The following MAP1A variants were observed in gnomAD, a reference collection of about 807,000 sequenced individuals.
The protein encoded by MAP1A is microtubule-associated protein 1A.
Under a neutral mutation model 185.9 loss-of-function variants are expected in MAP1A, and 42 were observed. The observed-to-expected ratio is 0.23, with a 90% CI of 0.18 to 0.29. The LOEUF (loss-of-function observed/expected upper bound fraction) is 0.29, where lower values mean the gene tolerates loss of function less well. Ranked by LOEUF, MAP1A falls within the 10% of genes least tolerant of loss-of-function variation. The pLI, the probability that MAP1A is intolerant of heterozygous loss-of-function variation, is 1.00. For synonymous variants in MAP1A, 1,229 were observed against 1,335.9 expected, an observed-to-expected ratio of 0.92 and a Z score of 1.74; for missense variants, 2,995 against 3,450.4, an observed-to-expected ratio of 0.87 and a Z score of 3.31.
chr15:43,522,956 G>A lies in MAP1A; in HGVS notation c.1483G>A (p.Glu495Lys). The A allele has an allele frequency of 6.2e-7, 1 of 1,614,172 alleles. No individual in the cohort carries two copies. Among genetic ancestry groups the A allele is most frequent in the Non-Finnish European group, 8.5e-7 (1 of 1,180,022 alleles). The change falls in exon 4 of 6, where the codon GAG becomes AAG. Residue 495 changes from glutamate (E) to lysine (K), a missense_variant. By Grantham distance (56) the Glu-to-Lys change is moderately conservative (BLOSUM62 1). Coordinates refer to ENST00000300231, the MANE Select transcript of MAP1A (RefSeq NM_002373.6). The surrounding 1 kb of genome is among the most constrained non-coding windows in gnomAD (Gnocchi z 5.9). ...AGACAGGAGCCGTGCTATCCGTGGG[G>A]AGAAGGAGCTGTCTTCTGAGCCCCA... ...KIDRSRAIRG[E>K]KELSSEPQTP...
rs764483080 is a variant in MAP1A, at chr15:43,518,009, G to A, written c.-375+309G>A. 8.5e-5 allele frequency among the ~76,000 whole-genome samples: 13 copies of A among 152,262 alleles called. No homozygotes were observed. In the South Asian group the frequency reaches 2.3e-3, roughly 27 times the overall value. On this transcript the variant is annotated intron_variant, in intron 1 of 5. Coordinates refer to ENST00000300231, the MANE Select transcript of MAP1A (RefSeq NM_002373.6). ...CTCTGCCTGACAGCCCAGGATGCTG[G>A]AGGAGTTTGGGGGCTATGTTTCTGG...
At position 43,526,059 on chromosome 15, in the gene MAP1A, C is replaced by G; in HGVS notation, c.4586C>G (p.Ala1529Gly). The G allele has an allele frequency of 6.2e-7, 1 of 1,614,028 alleles. No homozygotes were observed. Among genetic ancestry groups the G allele is most frequent in the Non-Finnish European group, 8.5e-7 (1 of 1,180,002 alleles). ...KDRDLEQTDK[A>G]PEQKHQAQEQ... is the part of the protein sequence containing the mutation. ...AGAGACCTAGAACAGACAGACAAAG[C>G]CCCTGAACAGAAACACCAGGCCCAG... The change falls in exon 4 of 6, where the codon GCC (alanine) becomes GGC (glycine). Residue 1529 changes from alanine (A) to glycine (G), a missense_variant. Physicochemically the swap from Ala to Gly is moderately conservative, Grantham distance 60. Around this residue, in one of 3 missense-constraint regions of MAP1A, gnomAD observed 2,728 missense variants for 2,986.0 expected, o/e 0.91. Transcript: ENST00000300231. This position sits in a 1 kb window ranked among gnomAD's most constrained non-coding sequence, Gnocchi z 4.7.
upstream of MAP1A, among the ~76,000 whole-genome samples, chr15:43,514,288 T>A (rs576260590): frequency 1.8e-4 from 27 of 152,288 alleles, no homozygotes; most frequent in Admixed American, 3.9e-4. Flanking sequence ...AGTAGAGAAT[T>A]TCCTGGAAAA....
At chr15:43,512,155 C>T in intron 1 of MAP1A, 1 of 1,309,604 alleles carries the variant, frequency 7.6e-7, no homozygotes, top group Non-Finnish European at 1.1e-6. Context: ...CAACCTGCAA[C>T]CTTATCCAGA....
chr15:43,526,770 G>T lies in MAP1A; in HGVS notation c.5297G>T (p.Gly1766Val), dbSNP rs747231894. ...KDFQESSPQK[G>V]LEVERWLAES... The stretch of plus-strand genomic sequence containing the variant: ...TTCCAGGAATCCTCACCACAGAAGG[G>T]GCTAGAGGTGGAGCGCTGGCTTGCT... Residue 1766 changes from glycine (G) to valine (V), a missense_variant, in exon 4 of 6, where the codon GGG becomes GTG. Coordinates refer to ENST00000300231, the MANE Select transcript of MAP1A (RefSeq NM_002373.6). The surrounding 1 kb of genome is among the most constrained non-coding windows in gnomAD (Gnocchi z 4.7). 1 of 1,614,122 alleles carries T rather than the reference G, an allele frequency of 6.2e-7. No individual in the cohort carries two copies. The highest frequency in any genetic ancestry group is 1.7e-5 in the Admixed American group (1 of 60,024).
At chr15:43,511,515 GT>G (rs2079278195) in intron 1 of MAP1A, among the ~76,000 whole-genome samples, 1 of 152,202 alleles carries the variant, frequency 6.6e-6, no homozygotes, top group Non-Finnish European at 1.5e-5. Flanking sequence ...CCACCGCAGT[GT>G]TTTGGACCAG....
upstream of MAP1A, chr15:43,517,499 CAAAG>C (rs2079301823): frequency 6.2e-6 from 1 of 160,764 alleles, no homozygotes; most frequent in Non-Finnish European, 1.3e-5. Flanking sequence ...GTCGTGAAGG[CAAAG>C]AAACAGTTAA....
intron 2 of MAP1A, 116 bp downstream of exon 2, chr15:43,520,839 A>G: frequency 7.6e-7 from 1 of 1,309,584 alleles, no homozygotes; most frequent in Admixed American, 2.0e-5. Flanking sequence ...AAGCTGACGT[A>G]TTGTCTCCAG....
chr15:43,522,310 C>T lies in MAP1A; in HGVS notation c.837C>T (p.Gly279=). Residue 279 remains glycine (G), a synonymous_variant, in exon 4 of 6, where the codon GGC becomes GGT. Coordinates refer to ENST00000300231, the MANE Select transcript of MAP1A (RefSeq NM_002373.6). This position sits in a 1 kb window ranked among gnomAD's most constrained non-coding sequence, Gnocchi z 5.9. ...CTCCCCAAAACAAGATCTTGGAGGG[C>T]CTAGAAAAGCTTCGGCATCTGGACT... ...GNAPQNKILE[G]LEKLRHLDFL... 6.2e-7 allele frequency: 1 copy of T among 1,614,114 alleles called. No individual in the cohort carries two copies. Among genetic ancestry groups the T allele is most frequent in the East Asian group, 2.2e-5 (1 of 44,886 alleles).
rs754398083 is a variant in MAP1A, at chr15:43,523,392, C to T, written c.1919C>T (p.Ala640Val). The change falls in exon 4 of 6, where the codon GCC becomes GTC. Residue 640 changes from alanine (A) to valine (V), a missense_variant. Ala to Val is a moderately conservative substitution (Grantham distance 64). Around this residue, in one of 3 missense-constraint regions of MAP1A, gnomAD observed 2,728 missense variants for 2,986.0 expected, o/e 0.91. Transcript: ENST00000300231. ...EAERLPDRTE[A>V]REESEPEVKE... ...GAGAGGCTCCCAGACAGAACAGAAGCCAGAGAGGAAAGTGAACCTGAAGTA... is the reference window on the plus strand; with the variant it reads ...GAGAGGCTCCCAGACAGAACAGAAGTCAGAGAGGAAAGTGAACCTGAAGTA... The T allele has an allele frequency of 1.2e-6, 2 of 1,611,984 alleles. No individual in the cohort carries two copies. The highest frequency in any genetic ancestry group is 2.7e-5 in the African/African-American group (2 of 74,746).
chr15:43,524,322 T>G lies in MAP1A; in HGVS notation c.2849T>G (p.Met950Arg), dbSNP rs774128420. Residue 950 changes from methionine to arginine, a missense_variant, in exon 4 of 6, where the codon ATG becomes AGG. Coordinates refer to ENST00000300231, the MANE Select transcript of MAP1A (RefSeq NM_002373.6). ...GAGGAGGAGACAGCAAACGTAGAGA[T>G]GTCTGAGAAACTTTGCAGTCAATAT... is the stretch of plus-strand genomic sequence containing the variant. ...EEEEETANVE[M>R]SEKLCSQYGT... 8.1e-6 allele frequency: 13 copies of G among 1,614,160 alleles called. No individual in the cohort carries two copies. The highest frequency in any genetic ancestry group is 1.0e-5 in the Non-Finnish European group (12 of 1,180,020).
chr15:43,523,177 C>T lies in MAP1A; in HGVS notation c.1704C>T (p.Pro568=). The T allele has an allele frequency of 6.2e-7, 1 of 1,614,086 alleles. No individual in the cohort carries two copies. Among genetic ancestry groups the T allele is most frequent in the Admixed American group, 1.7e-5 (1 of 60,006 alleles). ...CTCTAGACACTGCAGAGGAGGGACC[C>T]CCAAGTACAGCTATCCAGGGAACAC... The part of the protein sequence containing the change: ...PFPLDTAEEG[P]PSTAIQGTPP... Residue 568 remains proline, a synonymous_variant, in exon 4 of 6, where the codon CCC becomes CCT. Coordinates refer to ENST00000300231, the MANE Select transcript of MAP1A (RefSeq NM_002373.6).
In MAP1A at chr15:43,527,542, C is replaced by T. The variant is rs1045499927; in HGVS notation, c.6069C>T (p.Pro2023=). 3.7e-6 allele frequency: 6 copies of T among 1,614,000 alleles called. No homozygotes were observed. In the African/African-American group the frequency reaches 8.0e-5, roughly 22 times the overall value. ...AEKELSSPIS[P]KSLQSDTPTF... ...AGGAGCTTTCATCTCCTATCTCACCCAAGAGCCTCCAGTCTGACACTCCAA... is the reference window on the plus strand; with the variant it reads ...AGGAGCTTTCATCTCCTATCTCACCTAAGAGCCTCCAGTCTGACACTCCAA... The change falls in exon 4 of 6, where the codon CCC becomes CCT. Residue 2023 remains proline, a synonymous_variant. Transcript: ENST00000300231.
At chr15:43,515,480 A>G (rs548595611), upstream of MAP1A, among the ~76,000 whole-genome samples, 3 of 152,316 alleles carry the variant, frequency 2.0e-5, no homozygotes, top group African/African-American at 7.2e-5. Flanking sequence ...AGAGTACTCC[A>G]GAGTTGATCT....
rs775209108 is a variant in MAP1A at position 43,527,816 on chromosome 15, C to T, written c.6343C>T (p.Arg2115Trp). 1.4e-5 allele frequency: 22 copies of T among 1,613,750 alleles called. No individual in the cohort carries two copies. Among genetic ancestry groups the T allele is most frequent in the South Asian group, 2.2e-5 (2 of 91,038 alleles). Reference sequence around the variant, plus strand: ...TGACTCAGAACTGGAGAAGGGGGCTCGGGAACAGCCAGAAAAAGAGGCCCA... The same window carrying T: ...TGACTCAGAACTGGAGAAGGGGGCTTGGGAACAGCCAGAAAAAGAGGCCCA... Reference protein sequence around the residue: ...TSDSELEKGAREQPEKEAQSP... With the variant: ...TSDSELEKGAWEQPEKEAQSP... Residue 2115 changes from arginine to tryptophan, a missense_variant, in exon 4 of 6, where the codon CGG (arginine) becomes TGG (tryptophan). Transcript: ENST00000300231.
Position 43,525,452 on chromosome 15 carries a change from C to A in MAP1A, c.3979C>A (p.Pro1327Thr), listed in dbSNP as rs753465499. The change falls in exon 4 of 6, where the codon CCT becomes ACT. Residue 1327 changes from proline to threonine, a missense_variant. This residue lies in a region of MAP1A where 2,728 missense variants were observed against 2,986.0 expected (regional missense o/e 0.91). Transcript: ENST00000300231. ...ACCTGATAGCTCCTTCTCCAAGAGT[C>A]CTGAGTCTTTGCCAGGCCCTGCCTT... The part of the protein sequence containing the change: ...LTPDSSFSKS[P>T]ESLPGPALED... The A allele has an allele frequency of 6.2e-7, 1 of 1,614,206 alleles. No individual in the cohort carries two copies. Among genetic ancestry groups the A allele is most frequent in the South Asian group, 1.1e-5 (1 of 91,084 alleles).
Position 43,523,432 on chromosome 15 carries a change from A to G in MAP1A, c.1959A>G (p.Ile653Met). ...ESEPEVKEDV[I>M]EKAELEEMEE... Reference sequence around the variant, plus strand: ...AACCTGAAGTAAAGGAGGATGTGATAGAAAAGGCTGAGTTAGAAGAAATGG... The same window carrying G: ...AACCTGAAGTAAAGGAGGATGTGATGGAAAAGGCTGAGTTAGAAGAAATGG... Residue 653 changes from isoleucine to methionine, a missense_variant, in exon 4 of 6, where the codon ATA (isoleucine) becomes ATG (methionine). This residue lies in a region of MAP1A where 2,728 missense variants were observed against 2,986.0 expected (regional missense o/e 0.91). Coordinates refer to ENST00000300231, the MANE Select transcript of MAP1A (RefSeq NM_002373.6). 2 of 1,613,702 alleles carry G rather than the reference A, an allele frequency of 1.2e-6. No individual in the cohort carries two copies. Among genetic ancestry groups the G allele is most frequent in the Non-Finnish European group, 1.7e-6 (2 of 1,179,790 alleles).
Position 43,529,849 on chromosome 15 carries a change from C to T in MAP1A, c.8235C>T (p.Ala2745=). ...TGGATGCCCTGCTGGAGGGCAAGGC[C>T]CAGTGGGGGGAGAATCTTCAGGTGA... ...AVLDALLEGK[A]QWGENLQVTL... is the part of the protein sequence containing the mutation. The change falls in exon 5 of 6, where the codon GCC becomes GCT. Residue 2745 remains alanine, a synonymous_variant. Transcript: ENST00000300231. This position sits in a 1 kb window ranked among gnomAD's most constrained non-coding sequence, Gnocchi z 4.3. 1 of 1,613,658 alleles carries T rather than the reference C, an allele frequency of 6.2e-7. No individual in the cohort carries two copies. The highest frequency in any genetic ancestry group is 1.1e-5 in the South Asian group (1 of 91,064).
chr15:43,528,925 G>A lies in MAP1A; in HGVS notation c.7452G>A (p.Gly2484=), dbSNP rs1037344647. 6.2e-7 allele frequency: 1 copy of A among 1,612,968 alleles called. No individual in the cohort carries two copies. The highest frequency in any genetic ancestry group is 8.5e-7 in the Non-Finnish European group (1 of 1,179,956). The change falls in exon 4 of 6, where the codon GGG becomes GGA. Residue 2484 remains glycine (G), a synonymous_variant. Transcript: ENST00000300231. ...GAGGGGGGCGGCGCCGGGTAGGGGGGCCAGGGACCACTGGGGGCCCATGCC... is the reference window on the plus strand; with the variant it reads ...GAGGGGGGCGGCGCCGGGTAGGGGGACCAGGGACCACTGGGGGCCCATGCC... ...VGRGGRRRVG[G]PGTTGGPCPV...
Sources: allele counts gnomAD v4.1 joint callset (sites outside exome capture counted in the v4.1 genomes callset), GRCh38; gene constraint gnomAD v4.1.1; regional missense constraint gnomAD v4.1.1; non-coding constraint Gnocchi (gnomAD v3.1); transcripts MANE v1.5; gene names NCBI Gene and HGNC (gene_info 2026-07-23, HGNC 2026-07-21).